Variants in APBA2 observed in about 807,000 individuals in gnomAD.
APBA2 encodes amyloid-beta A4 precursor protein-binding family A member 2.
Under a neutral mutation model 75.0 loss-of-function variants are expected in APBA2, and 30 were observed. The observed-to-expected ratio is 0.40, with a 90% CI of 0.30 to 0.54. The LOEUF is 0.54. Among genes scored for constraint, APBA2 ranks in the 20% least tolerant of loss-of-function variants. APBA2 has a pLI of 0.49. For synonymous variants in APBA2, 444 were observed against 409.6 expected (o/e 1.08, Z -1.01); for missense variants, 801 against 1,016.1 (o/e 0.79, Z 2.88).
At chr15:28,990,580 A>G (rs1395074094) in intron 2 of APBA2, 1 of 152,164 alleles carries the variant, frequency 6.6e-6, no homozygotes, top group Non-Finnish European at 1.5e-5. Flanking sequence ...TTTAGATAAC[A>G]TCTGTGAGTC....
In APBA2 at chr15:28,894,993, C is replaced by T. The variant is rs189840162; in HGVS notation, c.-205+8715C>T. Among the ~76,000 whole-genome samples the T allele has an allele frequency of 2.1e-3, 317 of 152,240 alleles. 3 individuals carry two copies. Among genetic ancestry groups the T allele is most frequent in the African/African-American group, 7.4e-3 (308 of 41,544 alleles). On this transcript the variant is annotated intron_variant, in intron 1 of 14. Transcript: ENST00000683413. ...CCCGCTCCCTATGTTCTGTAGGAGG[C>T]GGCTGCTGCTGCCAAGTCCCAGCCT... is the stretch of plus-strand genomic sequence containing the variant.
At chr15:28,933,511 T>G (rs2094122629) in intron 2 of APBA2, among the ~76,000 whole-genome samples, 1 of 152,218 alleles carries the variant, frequency 6.6e-6, no homozygotes, top group African/African-American at 2.4e-5. Flanking sequence ...GAGAGTACCC[T>G]GAATGGAATA....
chr15:28,987,142 T>A (rs1372725936), intron 2 of APBA2, among the ~76,000 whole-genome samples: 5 of 152,234 alleles, frequency 3.3e-5, no homozygotes, highest in African/African-American at 1.2e-4. Flanking sequence ...ACATTCAGTC[T>A]GTAGCAGCAT....
At chr15:29,020,403 T>C (rs2039891764) in intron 3 of APBA2, among the ~76,000 whole-genome samples, 1 of 152,146 alleles carries the variant, frequency 6.6e-6, no homozygotes, top group African/African-American at 2.4e-5. Context: ...TTTTTCTTAG[T>C]ATTATGAAAC....
chr15:29,082,098 G>A (rs2043108958), intron 6 of APBA2, among the ~76,000 whole-genome samples: 1 of 152,236 alleles, frequency 6.6e-6, no homozygotes, highest in Non-Finnish European at 1.5e-5. Context: ...GAGGTGTCTT[G>A]TTGATTTCAC....
At chr15:28,990,071 C>T (rs1283445049) in intron 2 of APBA2, among the ~76,000 whole-genome samples, 4 of 152,152 alleles carry the variant, frequency 2.6e-5, no homozygotes, top group Admixed American at 1.3e-4. Flanking sequence ...TGCACAAGGA[C>T]GGACTTACTG....
chr15:28,964,223 G>A (rs915317420), intron 2 of APBA2, among the ~76,000 whole-genome samples: 1 of 152,174 alleles, frequency 6.6e-6, no homozygotes, highest in African/African-American at 2.4e-5. Flanking sequence ...ACTTTTAAAG[G>A]AGTTGCCAAA....
intron 3 of APBA2, among the ~76,000 whole-genome samples, chr15:29,036,065 G>A (rs1176644585): frequency 6.6e-6 from 1 of 152,104 alleles, no homozygotes; most frequent in Non-Finnish European, 1.5e-5. Context: ...GGCTGGGCCC[G>A]GGAGGCTGGA....
intron 1 of APBA2, among the ~76,000 whole-genome samples, chr15:28,904,810 T>A (rs2033055696): frequency 6.6e-6 from 1 of 152,266 alleles, no homozygotes; most frequent in Admixed American, 6.5e-5. Flanking sequence ...CAAGAACGTG[T>A]GGGGAAGCCC....
chr15:29,070,934 GTCACAGGGTTACGTTTGGGAGAATTT>G (rs1401843607), intron 4 of APBA2: 7 of 380,652 alleles, frequency 1.8e-5, no homozygotes, highest in Non-Finnish European at 3.1e-5. Flanking sequence ...GGACTTCTCT[GTCACAGGGTTACGTTTGGGAGAATTT>G]TCACAGGCCA....
At chr15:29,114,198 C>T (rs952657181) in intron 14 of APBA2, among the ~76,000 whole-genome samples, 182 bp downstream of exon 14, 2 of 152,244 alleles carry the variant, frequency 1.3e-5, no homozygotes, top group African/African-American at 4.8e-5. Context: ...CCATCCCGGT[C>T]TGGCTCTAAC....
intron 3 of APBA2, among the ~76,000 whole-genome samples, chr15:29,034,261 GC>G (rs896539132): frequency 1.3e-4 from 20 of 152,172 alleles, no homozygotes; most frequent in Non-Finnish European, 2.5e-4. Context: ...CAGGCTGGTA[GC>G]CCGTGTCTCC....
chr15:29,114,625 ATG>A (rs986285812), intron 14 of APBA2, among the ~76,000 whole-genome samples: 8 of 140,592 alleles, frequency 5.7e-5, no homozygotes, highest in African/African-American at 1.3e-4. Context: ...GTGCATGTGG[ATG>A]TGTGAGAGCA....
chr15:28,936,585 G>A (rs1278898153), intron 2 of APBA2, among the ~76,000 whole-genome samples: 1 of 152,238 alleles, frequency 6.6e-6, no homozygotes, highest in Non-Finnish European at 1.5e-5. Context: ...CACGTGCTGG[G>A]TGCCTGCTTG....
chr15:28,935,656 C>T (rs1234746800), intron 2 of APBA2, among the ~76,000 whole-genome samples: 1 of 152,202 alleles, frequency 6.6e-6, no homozygotes. Context: ...GCCAAGCCCT[C>T]CCCTCAGCCT....
At position 29,117,186 on chromosome 15, in the gene APBA2, C is replaced by T. The variant is rs895135723; in HGVS notation, c.*53C>T. ...GACACCGGGCAGGGCCGCCCGGGCC[C>T]AGAGGAGCTGGGAGCCGGGCCGCAG... On this transcript the variant is annotated 3_prime_UTR_variant, in exon 15 of 15. Coordinates refer to ENST00000683413, the MANE Select transcript of APBA2 (RefSeq NM_001353788.2). The T allele has an allele frequency of 2.5e-6, 4 of 1,575,358 alleles. No individual in the cohort carries two copies. Among genetic ancestry groups the T allele is most frequent in the African/African-American group, 1.4e-5 (1 of 74,028 alleles).
At chr15:29,102,759 CAA>C (rs11366143) in intron 10 of APBA2, 1,582 of 143,824 alleles carry the variant, frequency 0.011, 20 homozygotes, top group African/African-American at 0.03. Context: ...AACTCCGTCT[CAA>C]AAAAAAAAAA....
In APBA2 at chr15:28,943,731, C is replaced by T. The variant is rs150946036; in HGVS notation, c.-95+21982C>T. The stretch of plus-strand genomic sequence containing the variant: ...TCCCCAGGACGCTCATCGATGGCCC[C>T]GGCTCCTCCAGCCCTGGCTCCTCCA... On this transcript the variant is annotated intron_variant, in intron 2 of 14. Coordinates refer to ENST00000683413, the MANE Select transcript of APBA2 (RefSeq NM_001353788.2). Among the ~76,000 whole-genome samples the T allele has an allele frequency of 5.3e-3, 806 of 152,034 alleles. 5 individuals carry two copies. Among genetic ancestry groups the T allele is most frequent in the Middle Eastern group, 0.034 (10 of 294 alleles).
chr15:29,001,649 C>T (rs2038853443), intron 3 of APBA2, among the ~76,000 whole-genome samples: 1 of 152,204 alleles, frequency 6.6e-6, no homozygotes, highest in Admixed American at 6.5e-5. Context: ...TGCTGGTTTC[C>T]TTCCCTGGAA....
Sources: allele counts gnomAD v4.1 joint callset (sites outside exome capture counted in the v4.1 genomes callset), GRCh38; gene constraint gnomAD v4.1.1; transcripts MANE v1.5; gene names NCBI Gene and HGNC (gene_info 2026-07-23, HGNC 2026-07-21).